TMTC2: variants seen among roughly 807,000 people sequenced by gnomAD.
The protein encoded by TMTC2 is protein O-mannosyl-transferase TMTC2.
A neutral mutation model predicts 82.4 loss-of-function variants in TMTC2; 43 were observed. The ratio of observed to expected loss-of-function variants is 0.52; its 90% confidence interval spans 0.41 to 0.67. The LOEUF (loss-of-function observed/expected upper bound fraction) is 0.67. Among genes scored for constraint, TMTC2 ranks in the 30% least tolerant of loss-of-function variants. The pLI, the probability that TMTC2 is intolerant of heterozygous loss-of-function variation, is 0.00. For missense variants in TMTC2, 919 were observed against 1,012.4 expected, an observed-to-expected ratio of 0.91 and a Z score of 1.25; for synonymous variants, 408 against 381.9, an observed-to-expected ratio of 1.07 and a Z score of -0.80.
chr12:82,909,712 AT>A (rs1874531822), intron 3 of TMTC2, among the ~76,000 whole-genome samples: 1 of 152,108 alleles, frequency 6.6e-6, no homozygotes. Flanking sequence ...AAATATTTTT[AT>A]TTTTAATGTA....
chr12:82,885,536 AT>A (rs10645908), intron 2 of TMTC2, among the ~76,000 whole-genome samples: 12,620 of 145,978 alleles, frequency 0.086, 652 homozygotes, highest in Admixed American at 0.12. Context: ...TGTCTGGCTA[AT>A]TTTTTTTTTT....
At chr12:82,730,149 C>G (rs997027384) in intron 1 of TMTC2, among the ~76,000 whole-genome samples, 1 of 151,932 alleles carries the variant, frequency 6.6e-6, no homozygotes, top group Non-Finnish European at 1.5e-5. Context: ...ACCTACCAAT[C>G]CCAGACACAC....
intron 3 of TMTC2, among the ~76,000 whole-genome samples, chr12:82,923,935 TATG>T (rs2137232537): frequency 6.6e-6 from 1 of 152,356 alleles, no homozygotes; most frequent in East Asian, 1.9e-4. Flanking sequence ...ATTGGGTTAA[TATG>T]ATCAAATTTC....
rs11115428 is a variant in TMTC2 at position 82,793,010 on chromosome 12, A to G, written c.84-64000A>G. The stretch of plus-strand genomic sequence containing the variant: ...CAGGCGTTCCTCTGAGATTTCTTAA[A>G]GTGTGCTATATTTTTATGTTTACTT... On this transcript the variant is annotated intron_variant, in intron 1 of 11. Coordinates refer to ENST00000321196, the MANE Select transcript of TMTC2 (RefSeq NM_152588.3). 6.8e-3 allele frequency among the ~76,000 whole-genome samples: 1,038 copies of G among 152,252 alleles called. 18 individuals are homozygous for G. The highest frequency in any genetic ancestry group is 0.023 in the African/African-American group (967 of 41,560).
chr12:83,132,027 G>T (rs1204644795), intron 11 of TMTC2, among the ~76,000 whole-genome samples, 183 bp from the exon 12 acceptor site: 2 of 152,156 alleles, frequency 1.3e-5, no homozygotes, highest in South Asian at 2.1e-4. Flanking sequence ...TACACAGCAG[G>T]TGTTTGAAAA....
chr12:83,021,127 G>GT (rs1450494393), intron 8 of TMTC2, among the ~76,000 whole-genome samples: 2 of 152,124 alleles, frequency 1.3e-5, no homozygotes, highest in Non-Finnish European at 2.9e-5. Context: ...AAGTGGGTAA[G>GT]TTTTTTGCTG....
chr12:83,062,488 A>G (rs1024344808), intron 11 of TMTC2, among the ~76,000 whole-genome samples: 3 of 151,812 alleles, frequency 2.0e-5, no homozygotes, highest in African/African-American at 7.3e-5. Flanking sequence ...ATTTTCATAT[A>G]CCTTCTGCAT....
At chr12:82,975,525 T>G (rs1307201110) in intron 7 of TMTC2, among the ~76,000 whole-genome samples, 2 of 152,198 alleles carry the variant, frequency 1.3e-5, no homozygotes, top group African/African-American at 4.8e-5. Context: ...GGGAACGGGA[T>G]TTTTGTGGAT....
In TMTC2 at chr12:82,940,492, G is replaced by T. The variant is rs73157650; in HGVS notation, c.1598+9947G>T. On this transcript the variant is annotated intron_variant, in intron 4 of 11. Coordinates refer to ENST00000321196, the MANE Select transcript of TMTC2 (RefSeq NM_152588.3). ...TTCTATTTTAAATTGGTCATTCCTGGTTATTTACATTTTTTCCTAGATATG... is the reference window on the plus strand; with the variant it reads ...TTCTATTTTAAATTGGTCATTCCTGTTTATTTACATTTTTTCCTAGATATG... 4.0e-3 allele frequency among the ~76,000 whole-genome samples: 605 copies of T among 151,286 alleles called. 2 individuals are homozygous for T. The highest frequency in any genetic ancestry group is 6.8e-3 in the Middle Eastern group (2 of 292).
At chr12:82,809,117 G>A (rs1006348396) in intron 1 of TMTC2, among the ~76,000 whole-genome samples, 2 of 149,830 alleles carry the variant, frequency 1.3e-5, no homozygotes, top group Non-Finnish European at 3.0e-5. Context: ...ATAGTATTTA[G>A]AAATAGTAAA....
intron 1 of TMTC2, among the ~76,000 whole-genome samples, chr12:82,749,608 C>G (rs569679555): frequency 1.3e-5 from 2 of 152,100 alleles, no homozygotes; most frequent in African/African-American, 4.8e-5. Context: ...TTCTCTTGGT[C>G]TCTTGCAGCC....
At chr12:82,764,119 C>T (rs951344495) in intron 1 of TMTC2, among the ~76,000 whole-genome samples, 5 of 152,204 alleles carry the variant, frequency 3.3e-5, no homozygotes, top group African/African-American at 1.2e-4. Flanking sequence ...GGTAACTACA[C>T]AGATATACAT....
chr12:82,792,656 G>A (rs987064862), intron 1 of TMTC2, among the ~76,000 whole-genome samples: 1 of 151,694 alleles, frequency 6.6e-6, no homozygotes, highest in Non-Finnish European at 1.5e-5. Context: ...TCCATTTTTT[G>A]TAGAGATGGG....
intron 3 of TMTC2, among the ~76,000 whole-genome samples, chr12:82,922,316 C>G (rs1253655006): frequency 6.6e-6 from 1 of 151,984 alleles, no homozygotes; most frequent in South Asian, 2.1e-4. Flanking sequence ...AGAATAAGTA[C>G]CAAAGTGAAA....
chr12:82,707,386 A>T (rs1175819476), intron 1 of TMTC2, among the ~76,000 whole-genome samples: 2 of 152,198 alleles, frequency 1.3e-5, no homozygotes, highest in African/African-American at 4.8e-5. Context: ...TTAACATAGG[A>T]ATTTTCAAGG....
intron 7 of TMTC2, among the ~76,000 whole-genome samples, chr12:82,984,396 G>A (rs1879065446): frequency 1.3e-5 from 2 of 152,070 alleles, no homozygotes; most frequent in African/African-American, 4.8e-5. Flanking sequence ...GCATTCAAAA[G>A]ATCAAGAGAC....
At position 82,930,454 on chromosome 12, in the gene TMTC2, C is replaced by T. The variant is rs199635438; in HGVS notation, c.1507C>T (p.Leu503=). Residue 503 remains leucine (L), a synonymous_variant, in exon 4 of 12, where the codon CTG becomes TTG. Coordinates refer to ENST00000321196, the MANE Select transcript of TMTC2 (RefSeq NM_152588.3). ...AGCATGGGGTAACCTTGGAAATGTT[C>T]TGAAGAGTCAGAGCAAAATTTCTGA... ...AKAWGNLGNV[L]KSQSKISEAE... is the part of the protein sequence containing the mutation. The T allele has an allele frequency of 3.1e-6, 5 of 1,601,496 alleles. No individual in the cohort carries two copies. The highest frequency in any genetic ancestry group is 4.3e-6 in the Non-Finnish European group (5 of 1,170,952).
intron 2 of TMTC2, among the ~76,000 whole-genome samples, chr12:82,882,248 C>G (rs1040288702): frequency 6.6e-6 from 1 of 151,870 alleles, no homozygotes; most frequent in Non-Finnish European, 1.5e-5. Flanking sequence ...ATCCGCCCGC[C>G]TCGGCCTCCC....
intron 11 of TMTC2, among the ~76,000 whole-genome samples, chr12:83,067,000 A>C (rs1050293238): frequency 6.6e-6 from 1 of 151,998 alleles, no homozygotes; most frequent in Non-Finnish European, 1.5e-5. Flanking sequence ...ATGGTACCAA[A>C]GAATTGGGTA....
Sources: allele counts gnomAD v4.1 joint callset (sites outside exome capture counted in the v4.1 genomes callset), GRCh38; gene constraint gnomAD v4.1.1; transcripts MANE v1.5; gene names NCBI Gene and HGNC (gene_info 2026-07-23, HGNC 2026-07-21).